The following RPTOR variants were observed in gnomAD, a reference collection of about 807,000 sequenced individuals.
RPTOR encodes the protein regulatory associated protein of MTOR complex 1, also known as regulatory-associated protein of mTOR.
Under a neutral mutation model 169.9 loss-of-function variants are expected in RPTOR, and 21 were observed. That is an observed-to-expected ratio of 0.12 (90% confidence interval 0.09 to 0.18). RPTOR has a LOEUF of 0.18. Ranked by LOEUF, RPTOR falls within the 10% of genes least tolerant of loss-of-function variation. The probability of loss-of-function intolerance (pLI) is 1.00; values close to 1 mark genes in which losing one functional copy is unlikely to be tolerated. For missense variants in RPTOR, 1,133 were observed against 1,855.9 expected (o/e 0.61, Z 7.16); for synonymous variants, 732 against 753.2 (o/e 0.97, Z 0.46).
At chr17:80,583,347 T>C (rs2065033544) in intron 1 of RPTOR, among the ~76,000 whole-genome samples, 1 of 152,138 alleles carries the variant, frequency 6.6e-6, no homozygotes, top group African/African-American at 2.4e-5. Context: ...GGCACCATCA[T>C]GCCAGGCTAA....
At chr17:80,674,505 G>C (rs556207209) in intron 3 of RPTOR, among the ~76,000 whole-genome samples, 3 of 152,198 alleles carry the variant, frequency 2.0e-5, no homozygotes, top group African/African-American at 4.8e-5. Context: ...TGGGGAAAAC[G>C]AACAGCCTCT....
At chr17:80,914,484 G>A (rs941155230) in intron 21 of RPTOR, among the ~76,000 whole-genome samples, 1 of 152,208 alleles carries the variant, frequency 6.6e-6, no homozygotes, top group Admixed American at 6.5e-5. Context: ...CACCCGGCAT[G>A]GCTCCTCTGT....
intron 26 of RPTOR, among the ~76,000 whole-genome samples, chr17:80,946,151 G>A (rs2069101004): frequency 6.6e-6 from 1 of 152,210 alleles, no homozygotes. Context: ...GAAGATGCTA[G>A]GTGCCCCAGG....
intron 10 of RPTOR, among the ~76,000 whole-genome samples, chr17:80,839,422 T>G (rs756075556): frequency 1.1e-4 from 16 of 152,162 alleles, no homozygotes; most frequent in Non-Finnish European, 1.9e-4. Flanking sequence ...TACCCCATCT[T>G]TGTATTCATG....
At chr17:80,886,729 C>T (rs1053822267) in intron 17 of RPTOR, among the ~76,000 whole-genome samples, 9 of 152,190 alleles carry the variant, frequency 5.9e-5, no homozygotes, top group African/African-American at 2.2e-4. Flanking sequence ...CTCGCCTGCA[C>T]GGCTGCCTGC....
At position 80,901,891 on chromosome 17, in the gene RPTOR, C is replaced by G. The variant is rs9889545; in HGVS notation, c.2402-6920C>G. 4.3e-3 allele frequency among the ~76,000 whole-genome samples: 655 copies of G among 152,286 alleles called. 4 individuals are homozygous for G. Among genetic ancestry groups the G allele is most frequent in the African/African-American group, 0.015 (612 of 41,544 alleles). On this transcript the variant is annotated intron_variant, in intron 20 of 33. Coordinates refer to ENST00000306801, the MANE Select transcript of RPTOR (RefSeq NM_020761.3). The stretch of plus-strand genomic sequence containing the variant: ...TCAGTCACGTGTTTCCTTTCTTCCC[C>G]GTGGCAATGAAGCCCCTTGGCTGGT...
intron 1 of RPTOR, among the ~76,000 whole-genome samples, chr17:80,560,255 C>G (rs897671857): frequency 6.6e-6 from 1 of 152,138 alleles, no homozygotes; most frequent in African/African-American, 2.4e-5. Flanking sequence ...TCCATGGTGG[C>G]TGGACGAAGA....
chr17:80,945,400 G>C (rs965606737), intron 25 of RPTOR, among the ~76,000 whole-genome samples: 1 of 152,112 alleles, frequency 6.6e-6, no homozygotes, highest in Non-Finnish European at 1.5e-5. Flanking sequence ...AGACCATCCT[G>C]TCTAACACGG....
At chr17:80,688,584 C>T (rs1320380078) in intron 3 of RPTOR, among the ~76,000 whole-genome samples, 3 of 152,186 alleles carry the variant, frequency 2.0e-5, no homozygotes, top group East Asian at 3.9e-4. Flanking sequence ...AAGGGACGGC[C>T]GTTCTCCTTT....
chr17:80,685,091 A>G (rs946185612), intron 3 of RPTOR, among the ~76,000 whole-genome samples: 2 of 152,084 alleles, frequency 1.3e-5, no homozygotes, highest in African/African-American at 4.8e-5. Context: ...CTACCTCAGG[A>G]TTGTATACCC....
intron 6 of RPTOR, among the ~76,000 whole-genome samples, chr17:80,765,656 CTGT>C (rs2066778937): frequency 6.6e-6 from 1 of 152,194 alleles, no homozygotes; most frequent in African/African-American, 2.4e-5. Context: ...AGCCTCAACT[CTGT>C]TGTTCCGCCT....
At chr17:80,852,847 T>G (rs2143734492) in intron 11 of RPTOR, among the ~76,000 whole-genome samples, 1 of 152,170 alleles carries the variant, frequency 6.6e-6, no homozygotes, top group Admixed American at 6.5e-5. Context: ...CCCAGGAGCT[T>G]GACCCAGGTG....
rs562688038 is a variant in RPTOR at position 80,768,524 on chromosome 17, T to C, written c.830+14339T>C. Among the ~76,000 whole-genome samples, 4 of 152,326 alleles carry C rather than the reference T, an allele frequency of 2.6e-5. No individual in the cohort carries two copies. In the South Asian group the frequency reaches 6.2e-4, roughly 24 times the overall value. ...ATTCATGTAATCCTCGGAAATCAGC[T>C]TGGGTGAAATACTGCACGGGAAAGA... On this transcript the variant is annotated intron_variant, in intron 6 of 33. Coordinates refer to ENST00000306801, the MANE Select transcript of RPTOR (RefSeq NM_020761.3).
At position 80,735,731 on chromosome 17, in the gene RPTOR, C is replaced by G. The variant is rs534203674; in HGVS notation, c.654+5025C>G. Among the ~76,000 whole-genome samples the G allele has an allele frequency of 2.0e-5, 3 of 152,246 alleles. No homozygotes were observed. In the East Asian group the frequency reaches 5.8e-4, roughly 30 times the overall value. ...TTCTGCTGGGACAGCACGGGCTCCA[C>G]TGCCCCAGTAAGTCTTGTTCTGCAC... is the stretch of plus-strand genomic sequence containing the variant. On this transcript the variant is annotated intron_variant, in intron 5 of 33. Transcript: ENST00000306801.
intron 3 of RPTOR, among the ~76,000 whole-genome samples, chr17:80,689,885 T>G (rs762729706): frequency 6.6e-6 from 1 of 152,192 alleles, no homozygotes; most frequent in Non-Finnish European, 1.5e-5. Flanking sequence ...AAAAACACAT[T>G]TAATATTTCT....
chr17:80,850,356 C>T (rs1009621650), intron 11 of RPTOR, among the ~76,000 whole-genome samples: 3 of 152,246 alleles, frequency 2.0e-5, no homozygotes, highest in Non-Finnish European at 4.4e-5. Flanking sequence ...TAATGGCCTC[C>T]TGTTTCACCC....
At chr17:80,653,113 A>G (rs1487942031) in intron 3 of RPTOR, among the ~76,000 whole-genome samples, 2 of 152,178 alleles carry the variant, frequency 1.3e-5, no homozygotes, top group Non-Finnish European at 2.9e-5. Context: ...ATGAGTTCAA[A>G]ATGGAGACTT....
At chr17:80,583,188 T>TTTTTTTG (rs2065030596) in intron 1 of RPTOR, among the ~76,000 whole-genome samples, 1 of 126,112 alleles carries the variant, frequency 7.9e-6, no homozygotes, top group Non-Finnish European at 1.7e-5. Context: ...TCCTGTTTTT[T>TTTTTTTG]TTTTTTTTTT....
intron 4 of RPTOR, among the ~76,000 whole-genome samples, chr17:80,717,184 T>C (rs1441416498): frequency 6.6e-6 from 1 of 152,198 alleles, no homozygotes; most frequent in Non-Finnish European, 1.5e-5. Context: ...TCACCAGATG[T>C]GGCATGCACC....
Sources: gnomAD v4.1 joint callset for allele counts (sites outside exome capture counted in the v4.1 genomes callset) on GRCh38, gnomAD v4.1.1 for gene constraint, MANE v1.5 for transcripts, NCBI Gene and HGNC (gene_info 2026-07-23, HGNC 2026-07-21) for gene names.